Variants in MUC7 observed in about 807,000 individuals in gnomAD.
MUC7 encodes mucin 7, secreted.
MUC7 carries 2 observed loss-of-function variants against 2.5 expected under a neutral mutation model. The observed-to-expected ratio is 0.81, with a 90% confidence interval of 0.33 to 2.55. MUC7 has a LOEUF of 2.55. Ranked by LOEUF, MUC7 falls within the 30% of genes most tolerant of loss-of-function variation. The pLI is 0.11. For missense variants in MUC7, 408 were observed against 455.6 expected (o/e 0.90, Z 0.95); for synonymous variants, 133 against 173.4 (o/e 0.77, Z 1.83).
At chr4:70,442,892 G>A (rs1734042965) in intron 1 of MUC7, among the ~76,000 whole-genome samples, 1 of 152,112 alleles carries the variant, frequency 6.6e-6, no homozygotes, top group Non-Finnish European at 1.5e-5. Context: ...GTTAAAACTG[G>A]TCACATTAGA....
chr4:70,463,291 T>C (rs142191812), intron 1 of MUC7, among the ~76,000 whole-genome samples: 1 of 152,214 alleles, frequency 6.6e-6, no homozygotes, highest in African/African-American at 2.4e-5. Context: ...AAATTATGTC[T>C]TACAGAGAAA....
At chr4:70,449,463 A>G (rs973393503) in intron 1 of MUC7, among the ~76,000 whole-genome samples, 3 of 152,294 alleles carry the variant, frequency 2.0e-5, no homozygotes, top group Admixed American at 6.5e-5. Flanking sequence ...CCCATGATTC[A>G]GTTATCTCCC....
intron 2 of MUC7, among the ~76,000 whole-genome samples, chr4:70,476,978 T>G (rs185549732): frequency 2.0e-5 from 3 of 152,326 alleles, no homozygotes; most frequent in Non-Finnish European, 2.9e-5. Context: ...TGGAGTCAGA[T>G]GAAGAGCTCT....
intron 1 of MUC7, among the ~76,000 whole-genome samples, chr4:70,442,670 G>C (rs1488750294): frequency 1.3e-5 from 2 of 152,140 alleles, no homozygotes; most frequent in African/African-American, 4.8e-5. Context: ...GGCCACATGA[G>C]GGCCAAAATA....
chr4:70,450,542 A>G (rs140358675), intron 1 of MUC7, among the ~76,000 whole-genome samples: 33 of 152,236 alleles, frequency 2.2e-4, no homozygotes, highest in African/African-American at 7.5e-4. Context: ...ACCACAGCAG[A>G]TAATGTGCTG....
intron 1 of MUC7, among the ~76,000 whole-genome samples, chr4:70,464,246 C>A (rs1734625934): frequency 6.6e-6 from 1 of 152,188 alleles, no homozygotes; most frequent in African/African-American, 2.4e-5. Flanking sequence ...ACCATCTTCA[C>A]AACCAGCAGA....
chr4:70,460,323 A>T (rs1045310947), intron 1 of MUC7, among the ~76,000 whole-genome samples: 1 of 152,226 alleles, frequency 6.6e-6, no homozygotes, highest in African/African-American at 2.4e-5. Context: ...TAATATCATC[A>T]AGGATGGTTC....
At chr4:70,458,120 A>C (rs1734456866) in intron 1 of MUC7, among the ~76,000 whole-genome samples, 1 of 152,130 alleles carries the variant, frequency 6.6e-6, no homozygotes, top group South Asian at 2.1e-4. Context: ...ACAATATATT[A>C]AAATTCACAT....
rs1244503925 is a variant in MUC7 at position 70,445,615 on chromosome 4, A to T, written c.-93+14928A>T. ...CTAGGCCAAAACCACCTCTAACTGG[A>T]AAACACTTGGAGATAGGGTCATTCT... On this transcript the variant is annotated intron_variant, in intron 1 of 3. Coordinates refer to the MUC7 transcript ENST00000413702. Among the ~76,000 whole-genome samples, 3 of 152,170 alleles carry T rather than the reference A, an allele frequency of 2.0e-5. No homozygotes were observed. In the East Asian group the frequency reaches 5.8e-4, roughly 29 times the overall value.
At chr4:70,465,144 C>T (rs191804007) in intron 1 of MUC7, among the ~76,000 whole-genome samples, 34 of 152,308 alleles carry the variant, frequency 2.2e-4, no homozygotes, top group Non-Finnish European at 4.0e-4. Context: ...TCCAGCAGAC[C>T]TAGGGCAGAG....
At chr4:70,467,455 A>C (rs1734710198), upstream of MUC7, among the ~76,000 whole-genome samples, 1 of 152,216 alleles carries the variant, frequency 6.6e-6, no homozygotes. Flanking sequence ...CCCTTCAAAA[A>C]TCAATAAATC....
chr4:70,453,075 C>T (rs759582954), intron 1 of MUC7, among the ~76,000 whole-genome samples: 1 of 152,212 alleles, frequency 6.6e-6, no homozygotes, highest in Non-Finnish European at 1.5e-5. Flanking sequence ...TAGAGCTCCA[C>T]TGTATGCACA....
At chr4:70,456,118 A>G (rs1430082855) in intron 1 of MUC7, among the ~76,000 whole-genome samples, 1 of 152,124 alleles carries the variant, frequency 6.6e-6, no homozygotes, top group African/African-American at 2.4e-5. Context: ...TCAGCCCTCC[A>G]GACTCTTCCA....
At chr4:70,465,583 G>A (rs1734663501) in intron 1 of MUC7, among the ~76,000 whole-genome samples, 1 of 152,078 alleles carries the variant, frequency 6.6e-6, no homozygotes, top group African/African-American at 2.4e-5. Flanking sequence ...AACACAGCAC[G>A]AGAACTTCGT....
intron 2 of MUC7, 68 bp downstream of exon 2, chr4:70,474,143 G>C: frequency 7.5e-7 from 1 of 1,327,466 alleles, no homozygotes; most frequent in Non-Finnish European, 1.1e-6. Context: ...ACCTACCTGA[G>C]ACTTTTAAAG....
At chr4:70,464,206 G>A (rs989194931) in intron 1 of MUC7, among the ~76,000 whole-genome samples, 14 of 152,134 alleles carry the variant, frequency 9.2e-5, no homozygotes, top group Admixed American at 2.6e-4. Context: ...GAGGAATGGC[G>A]CATTCTGGCC....
intron 1 of MUC7, among the ~76,000 whole-genome samples, chr4:70,452,659 T>G (rs544396113): frequency 1.3e-5 from 2 of 152,338 alleles, no homozygotes; most frequent in East Asian, 3.9e-4. Context: ...TAAAAAGTTG[T>G]TGTAGTTACT....
chr4:70,466,315 G>A (rs1734681200), intron 1 of MUC7, among the ~76,000 whole-genome samples: 1 of 152,182 alleles, frequency 6.6e-6, no homozygotes, highest in African/African-American at 2.4e-5. Context: ...ATGCCAAATT[G>A]TAAAGACCAT....
chr4:70,442,600 G>A (rs1734036803), intron 1 of MUC7, among the ~76,000 whole-genome samples: 1 of 152,182 alleles, frequency 6.6e-6, no homozygotes, highest in East Asian at 1.9e-4. Context: ...GCACTTTCTG[G>A]AAGTGAACTC....
Sources: gnomAD v4.1 joint callset for allele counts (sites outside exome capture counted in the v4.1 genomes callset) on GRCh38, gnomAD v4.1.1 for gene constraint, MANE v1.5 for transcripts, NCBI Gene and HGNC (gene_info 2026-07-23, HGNC 2026-07-21) for gene names.